CACNA2D1: variants seen among roughly 807,000 people sequenced by gnomAD.
CACNA2D1 encodes calcium voltage-gated channel auxiliary subunit alpha2delta 1.
In CACNA2D1, 53 loss-of-function variants were observed where a neutral mutation model predicts 171.5. The ratio of observed to expected loss-of-function variants is 0.31; its 90% CI spans 0.25 to 0.39. The LOEUF is 0.39. Ranked by LOEUF, CACNA2D1 falls within the 10% of genes least tolerant of loss-of-function variation. CACNA2D1 has a pLI of 1.00. For missense variants in CACNA2D1, 903 were observed against 1,299.8 expected (o/e 0.69, Z 4.69); for synonymous variants, 442 against 443.1 (o/e 1.00, Z 0.03).
rs1792170524 is a variant in CACNA2D1, at chr7:81,947,972, A to T, written c.*2420T>A. ...TATAAATATATTTTGATGGCAACAG[A>T]AATTAAATAGGATCCTGCCAAGAGA... On this transcript the variant is annotated 3_prime_UTR_variant, in exon 39 of 39. Transcript: ENST00000356860. 6.6e-6 allele frequency: 1 copy of T among 151,902 alleles called. No homozygotes were observed. The highest frequency in any genetic ancestry group is 1.5e-5 in the Non-Finnish European group (1 of 67,824). The allele number at this position is 151,902 out of a possible 1,614,324, so 9.4% of individuals were successfully genotyped here.
chr7:82,063,861 ATT>A (rs1177856743), intron 9 of CACNA2D1, among the ~76,000 whole-genome samples: 1 of 144,532 alleles, frequency 6.9e-6, no homozygotes. Flanking sequence ...AAAGTCCCAG[ATT>A]TTTTTTTTTT....
intron 18 of CACNA2D1, chr7:82,001,767 C>T (rs577870525): frequency 1.2e-5 from 8 of 658,222 alleles, no homozygotes; most frequent in Non-Finnish European, 1.7e-5. Context: ...AACATAGGTA[C>T]GGGTTCTATC....
intron 1 of CACNA2D1, among the ~76,000 whole-genome samples, chr7:82,434,417 T>C (rs1046094190): frequency 6.6e-6 from 1 of 152,164 alleles, no homozygotes; most frequent in Non-Finnish European, 1.5e-5. Flanking sequence ...AGGGGTTTGT[T>C]GTACAGATGA....
At chr7:82,146,427 TAC>T (rs1793085583) in intron 4 of CACNA2D1, among the ~76,000 whole-genome samples, 1 of 129,978 alleles carries the variant, frequency 7.7e-6, no homozygotes, top group Non-Finnish European at 1.8e-5. Context: ...TCTTTACATA[TAC>T]ATATTTATAT....
In CACNA2D1 at chr7:82,106,926, T is replaced by C. The variant is rs191210806; in HGVS notation, c.526+10118A>G. On this transcript the variant is annotated intron_variant, in intron 6 of 38. Coordinates refer to ENST00000356860, the MANE Select transcript of CACNA2D1 (RefSeq NM_000722.4). ...GTTCAATACCAAGATTAACCATATA[T>C]GCTGACATAGATTCTTAAAAACTTG... 2.8e-3 allele frequency among the ~76,000 whole-genome samples: 434 copies of C among 152,332 alleles called. 1 individual carries two copies. Among genetic ancestry groups the C allele is most frequent in the African/African-American group, 9.9e-3 (413 of 41,580 alleles).
At chr7:82,166,818 T>C (rs902714649) in intron 4 of CACNA2D1, among the ~76,000 whole-genome samples, 3 of 152,086 alleles carry the variant, frequency 2.0e-5, no homozygotes, top group African/African-American at 7.2e-5. Flanking sequence ...CCATTTAGGG[T>C]GTACGCCCTT....
At chr7:82,194,970 A>G (rs1411034659) in intron 3 of CACNA2D1, among the ~76,000 whole-genome samples, 1 of 152,024 alleles carries the variant, frequency 6.6e-6, no homozygotes, top group African/African-American at 2.4e-5. Context: ...ATAGGCACAG[A>G]CAGCACTTTA....
rs181704999 is a variant in CACNA2D1 at position 82,136,072 on chromosome 7, A to G, written c.396+563T>C. ...GATGTAGCAATATTAGAAGTAACTG[A>G]TTAGCACTAAAATAATCCATGTTTT... On this transcript the variant is annotated intron_variant, in intron 5 of 38. Transcript: ENST00000356860. Among the ~76,000 whole-genome samples the G allele has an allele frequency of 5.3e-5, 8 of 152,320 alleles. No homozygotes were observed. The East Asian group carries it at 1.5e-3, about 29-fold the overall frequency.
At chr7:82,392,318 C>A (rs147216502) in intron 1 of CACNA2D1, among the ~76,000 whole-genome samples, 288 of 152,320 alleles carry the variant, frequency 1.9e-3, no homozygotes, top group African/African-American at 6.7e-3. Flanking sequence ...GACAGACCAC[C>A]CAACTTCAGG....
Position 81,996,032 on chromosome 7 carries a change from TAAAG to T in CACNA2D1, c.1663-1097_1663-1094del, listed in dbSNP as rs779111079. Among the ~76,000 whole-genome samples, 8 of 152,272 alleles carry T rather than the reference TAAAG, an allele frequency of 5.3e-5. No homozygotes were observed. The South Asian group carries it at 6.2e-4, about 12-fold the overall frequency. ...TAATTTAGTTCAAATATTTGGGTCTTAAAGGAAGGAGTAGATAACAGCTTCTAAT... is the reference window on the plus strand; with the variant it reads ...TAATTTAGTTCAAATATTTGGGTCTTGAAGGAGTAGATAACAGCTTCTAAT... On this transcript the variant is annotated intron_variant, in intron 19 of 38. Transcript: ENST00000356860.
chr7:82,290,573 G>A (rs1218134105), intron 3 of CACNA2D1, among the ~76,000 whole-genome samples: 37 of 133,738 alleles, frequency 2.8e-4, no homozygotes, highest in African/African-American at 9.6e-4. Flanking sequence ...ACTACAGGTC[G>A]TATATTAAAA....
rs763769737 is a variant in CACNA2D1 at position 81,959,690 on chromosome 7, T to C, written c.3076+30A>G. 6.2e-6 allele frequency: 10 copies of C among 1,602,130 alleles called. No homozygotes were observed. The East Asian group carries it at 2.0e-4, about 32-fold the overall frequency. On this transcript the variant is annotated intron_variant, in intron 37 of 38. Transcript: ENST00000356860. Reference sequence around the variant, plus strand: ...TCAAAATGCATTAAGATGGTTTTCCTTTCCAGATAGCTCTGATGTCAAAGG... The same window carrying C: ...TCAAAATGCATTAAGATGGTTTTCCCTTCCAGATAGCTCTGATGTCAAAGG...
intron 1 of CACNA2D1, among the ~76,000 whole-genome samples, chr7:82,378,100 G>A (rs1823227346): frequency 6.6e-6 from 1 of 152,088 alleles, no homozygotes; most frequent in Non-Finnish European, 1.5e-5. Flanking sequence ...GGATTAAATG[G>A]GTTTAAGAAT....
intron 7 of CACNA2D1, among the ~76,000 whole-genome samples, chr7:82,069,268 G>A (rs1808028341): frequency 6.6e-6 from 1 of 152,152 alleles, no homozygotes; most frequent in Non-Finnish European, 1.5e-5. Flanking sequence ...CATGCACAGT[G>A]AAAGCTGCAT....
chr7:82,430,600 A>C (rs1829594731), intron 1 of CACNA2D1, among the ~76,000 whole-genome samples: 1 of 152,172 alleles, frequency 6.6e-6, no homozygotes, highest in Non-Finnish European at 1.5e-5. Flanking sequence ...ATTTCTACCA[A>C]CAAGAGAACA....
chr7:82,349,434 C>T, intron 2 of CACNA2D1, 134 bp downstream of exon 2: 1 of 800,170 alleles, frequency 1.2e-6, no homozygotes. Context: ...AATGGTTTCT[C>T]TCAGAATTTC....
chr7:82,154,075 C>T (rs1379340276), intron 4 of CACNA2D1, among the ~76,000 whole-genome samples: 2 of 151,988 alleles, frequency 1.3e-5, no homozygotes, highest in African/African-American at 2.4e-5. Flanking sequence ...AGATTTTTTG[C>T]CATGAGCAAT....
At chr7:81,985,196 CTT>C (rs774555240) in intron 21 of CACNA2D1, among the ~76,000 whole-genome samples, 13 of 104,176 alleles carry the variant, frequency 1.2e-4, no homozygotes, top group Middle Eastern at 8.2e-3. Flanking sequence ...ATTATCATTA[CTT>C]TTTTTTTTTT....
At chr7:82,360,208 T>C (rs1820936615) in intron 1 of CACNA2D1, among the ~76,000 whole-genome samples, 1 of 152,204 alleles carries the variant, frequency 6.6e-6, no homozygotes, top group African/African-American at 2.4e-5. Context: ...TTCTAGTTTA[T>C]AGACTGTCAT....
Sources: allele counts gnomAD v4.1 joint callset (sites outside exome capture counted in the v4.1 genomes callset), GRCh38; gene constraint gnomAD v4.1.1; transcripts MANE v1.5; gene names NCBI Gene and HGNC (gene_info 2026-07-23, HGNC 2026-07-21).